Variants in DGKG observed in about 807,000 individuals in gnomAD.
The protein encoded by DGKG is diacylglycerol kinase gamma, also known as DAG kinase gamma.
Under a neutral mutation model 105.3 loss-of-function variants are expected in DGKG, and 78 were observed. The ratio of observed to expected loss-of-function variants is 0.74; its 90% CI spans 0.62 to 0.89. DGKG has a LOEUF of 0.89. Ranked by LOEUF, DGKG falls within the 40% of genes least tolerant of loss-of-function variation. DGKG has a pLI of 0.00. For missense variants in DGKG, 958 were observed against 1,020.1 expected, an observed-to-expected ratio of 0.94 and a Z score of 0.83; for synonymous variants, 346 against 367.1, an observed-to-expected ratio of 0.94 and a Z score of 0.66.
chr3:186,186,139 C>T (rs1157269027), intron 22 of DGKG, among the ~76,000 whole-genome samples: 2 of 149,966 alleles, frequency 1.3e-5, no homozygotes, highest in Non-Finnish European at 3.0e-5. Flanking sequence ...TTCCTGAATC[C>T]TCTCTTAAAG....
chr3:186,353,574 T>C (rs1726742334), intron 1 of DGKG, among the ~76,000 whole-genome samples: 1 of 141,268 alleles, frequency 7.1e-6, no homozygotes. Flanking sequence ...TGTATATATA[T>C]ATATATATAT....
chr3:186,345,423 A>AT (rs1726283712), intron 1 of DGKG, among the ~76,000 whole-genome samples: 1 of 152,020 alleles, frequency 6.6e-6, no homozygotes, highest in Admixed American at 6.5e-5. Context: ...TTCATGCTCT[A>AT]TTTTATTATC....
chr3:186,305,801 C>A (rs1282809282), intron 3 of DGKG, among the ~76,000 whole-genome samples: 1 of 152,062 alleles, frequency 6.6e-6, no homozygotes, highest in Admixed American at 6.5e-5. Flanking sequence ...TGTGAGAGGA[C>A]AGAAGTTGAT....
At chr3:186,296,589 TG>T (rs1316883517) in intron 5 of DGKG, among the ~76,000 whole-genome samples, 1 of 152,206 alleles carries the variant, frequency 6.6e-6, no homozygotes, top group Non-Finnish European at 1.5e-5. Context: ...AGTGGGCCTA[TG>T]GGCAGCAGGC....
chr3:186,286,768 T>C (rs1279076344), intron 6 of DGKG, among the ~76,000 whole-genome samples: 2 of 152,192 alleles, frequency 1.3e-5, no homozygotes, highest in Non-Finnish European at 2.9e-5. Flanking sequence ...GTGCCATGGC[T>C]CACACCTGTA....
intron 20 of DGKG, among the ~76,000 whole-genome samples, chr3:186,221,558 C>T (rs748663186): frequency 3.9e-5 from 6 of 152,270 alleles, no homozygotes; most frequent in South Asian, 2.1e-4. Flanking sequence ...GGGGAAAAGG[C>T]GGACAGGAAT....
chr3:186,358,862 T>C (rs900435330), intron 1 of DGKG, among the ~76,000 whole-genome samples: 3 of 152,236 alleles, frequency 2.0e-5, no homozygotes, highest in Admixed American at 6.5e-5. Context: ...AATGTTGTTA[T>C]AATGACTTGT....
rs538816154 is a variant in DGKG, at chr3:186,272,657, C to G, written c.911-314G>C. On this transcript the variant is annotated intron_variant, in intron 10 of 24. Transcript: ENST00000265022. ...AAGGGGAGTGTGCGGCATCATCCTC[C>G]TGGCTATGCCAGTGCCACTGTATTG... 3.3e-5 allele frequency among the ~76,000 whole-genome samples: 5 copies of G among 152,348 alleles called. No homozygotes were observed. The South Asian group carries it at 6.2e-4, about 19-fold the overall frequency.
chr3:186,223,529 C>G (rs1719704887), intron 20 of DGKG, among the ~76,000 whole-genome samples: 1 of 152,116 alleles, frequency 6.6e-6, no homozygotes, highest in Non-Finnish European at 1.5e-5. Flanking sequence ...GTTAGCAAGG[C>G]AAGTCAAAAA....
rs564766612 is a variant in DGKG, at chr3:186,149,027, C to T, written c.*1063G>A. The T allele has an allele frequency of 3.3e-5, 32 of 981,324 alleles. No homozygotes were observed. Among genetic ancestry groups the T allele is most frequent in the East Asian group, 2.3e-4 (2 of 8,724 alleles). 60.8% of individuals were successfully genotyped at this position (981,324 alleles called of 1,614,324 possible). On this transcript the variant is annotated 3_prime_UTR_variant, in exon 25 of 25. Transcript: ENST00000265022. ...ATACACGCACACACACACACACACGCGCGCACACACGTTAAGACCATCAGA... is the reference window on the plus strand; with the variant it reads ...ATACACGCACACACACACACACACGTGCGCACACACGTTAAGACCATCAGA...
rs950063010 is a variant in DGKG, at chr3:186,267,549, A to C, written c.1209+136T>G. The C allele has an allele frequency of 4.3e-6, 3 of 702,638 alleles. No individual in the cohort carries two copies. The African/African-American group carries it at 5.4e-5, about 13-fold the overall frequency. 43.5% of individuals were successfully genotyped at this position (702,638 alleles called of 1,614,324 possible). On this transcript the variant is annotated intron_variant, in intron 13 of 24. Coordinates refer to ENST00000265022, the MANE Select transcript of DGKG (RefSeq NM_001346.3). Reference sequence around the variant, plus strand: ...CTCTCTAACCTAAAATAACAGTAAAAAAAGAAAGAAAAGAAAACACAAACC... The same window carrying C: ...CTCTCTAACCTAAAATAACAGTAAACAAAGAAAGAAAAGAAAACACAAACC...
chr3:186,197,308 T>A (rs1718228451), intron 21 of DGKG, among the ~76,000 whole-genome samples: 1 of 152,002 alleles, frequency 6.6e-6, no homozygotes, highest in Non-Finnish European at 1.5e-5. Flanking sequence ...GAGAGGGGCA[T>A]GGGCAGGAGA....
At chr3:186,349,074 A>G (rs1472933796) in intron 1 of DGKG, among the ~76,000 whole-genome samples, 1 of 151,840 alleles carries the variant, frequency 6.6e-6, no homozygotes, top group African/African-American at 2.4e-5. Context: ...GGTAAATTAA[A>G]TTAAAAAAAA....
At chr3:186,242,589 G>A (rs1279695971) in intron 19 of DGKG, 21 bp from the exon 20 acceptor site, 13 of 1,610,446 alleles carry the variant, frequency 8.1e-6, no homozygotes, top group Non-Finnish European at 1.0e-5. Flanking sequence ...AAGAGACAAA[G>A]CAGATCCTTG....
chr3:186,310,831 C>T (rs143274379), intron 2 of DGKG, among the ~76,000 whole-genome samples: 53 of 152,310 alleles, frequency 3.5e-4, no homozygotes, highest in Middle Eastern at 3.4e-3. Context: ...ATATGCTAGA[C>T]GCTGTCCTAG....
At chr3:186,267,435 G>A (rs1722108268) in intron 13 of DGKG, among the ~76,000 whole-genome samples, 1 of 152,158 alleles carries the variant, frequency 6.6e-6, no homozygotes, top group South Asian at 2.1e-4. Context: ...TAACAACTGG[G>A]CACTGGGCTA....
At chr3:186,323,508 C>T (rs889846775) in intron 1 of DGKG, among the ~76,000 whole-genome samples, 18 of 152,150 alleles carry the variant, frequency 1.2e-4, no homozygotes, top group African/African-American at 4.1e-4. Context: ...TTAAGAATGC[C>T]TCCTGCTGGG....
intron 19 of DGKG, among the ~76,000 whole-genome samples, chr3:186,251,282 G>A (rs1489864450): frequency 1.3e-5 from 2 of 152,126 alleles, no homozygotes; most frequent in Non-Finnish European, 1.5e-5. Flanking sequence ...TGGAGTGAGT[G>A]GAATGGGGTT....
chr3:186,210,549 G>A lies in DGKG; in HGVS notation c.1917+1246C>T. ...TTGGTAACCCAGCAACCGAAGAGGA[G>A]AGGCAGGCAGATGAGTCAAATGCAG... On this transcript the variant is annotated intron_variant, in intron 21 of 24. Coordinates refer to ENST00000265022, the MANE Select transcript of DGKG (RefSeq NM_001346.3). The surrounding 1 kb of genome is among the most constrained non-coding windows in gnomAD (Gnocchi z 5.2). The A allele has an allele frequency of 2.2e-6, 1 of 452,394 alleles. No individual in the cohort carries two copies. 28.0% of individuals were successfully genotyped at this position (452,394 alleles called of 1,614,324 possible). A position where few individuals can be genotyped will look rare whatever the true frequency, so the allele number is the denominator to read the frequency against.
Sources: gnomAD v4.1 joint callset for allele counts (sites outside exome capture counted in the v4.1 genomes callset) on GRCh38, gnomAD v4.1.1 for gene constraint, Gnocchi (gnomAD v3.1) non-coding constraint, MANE v1.5 for transcripts, NCBI Gene and HGNC (gene_info 2026-07-23, HGNC 2026-07-21) for gene names.